PLA2G4E: variants seen among roughly 807,000 people sequenced by gnomAD.
PLA2G4E encodes the protein cytosolic phospholipase A2 epsilon.
A neutral mutation model predicts 109.1 loss-of-function variants in PLA2G4E; 84 were observed. That is an observed-to-expected ratio of 0.77 (90% CI 0.65 to 0.92). The LOEUF (loss-of-function observed/expected upper bound fraction) is 0.92. PLA2G4E is among the 40% of genes least tolerant of loss of function. The pLI is 0.00. For missense variants in PLA2G4E, 1,057 were observed against 1,076.6 expected (o/e 0.98, Z 0.25); for synonymous variants, 469 against 436.1 (o/e 1.08, Z -0.94).
Position 42,011,070 on chromosome 15 carries a change from C to T in PLA2G4E, c.256+2615G>A, listed in dbSNP as rs113466545. 2.2e-3 allele frequency among the ~76,000 whole-genome samples: 334 copies of T among 152,366 alleles called. 1 individual carries two copies. Among genetic ancestry groups the T allele is most frequent in the African/African-American group, 7.7e-3 (319 of 41,588 alleles). The stretch of plus-strand genomic sequence containing the variant: ...CCTGCAGCAACTGTGGAATCCAGAC[C>T]AGACATGACTGGGGTTGGCACCCCG... On this transcript the variant is annotated intron_variant, in intron 2 of 19. Coordinates refer to ENST00000399518, the Ensembl canonical transcript of PLA2G4E.
At chr15:42,024,296 C>T (rs191039961) in intron 1 of PLA2G4E, among the ~76,000 whole-genome samples, 241 of 152,282 alleles carry the variant, frequency 1.6e-3, no homozygotes, top group Non-Finnish European at 2.5e-3. Flanking sequence ...TGGTAGAGTT[C>T]CTTCTGTGTG....
chr15:42,000,436 G>A (rs1326889618), intron 7 of PLA2G4E, among the ~76,000 whole-genome samples, 154 bp from the exon 8 acceptor site: 2 of 152,200 alleles, frequency 1.3e-5, no homozygotes, highest in African/African-American at 4.8e-5. Flanking sequence ...AATCTATAGG[G>A]TAGGGCAGGG....
chr15:41,983,986 A>G lies in PLA2G4E; in HGVS notation c.2387-12T>C. On this transcript the variant is annotated splice_polypyrimidine_tract_variant and intron_variant, in intron 19 of 19. Transcript: ENST00000399518. ...GCTTCGCTCTACACCTGTGGGCAGC[A>G]GGATGACTTGTTATAGACTCTGTCA... The G allele has an allele frequency of 6.3e-7, 1 of 1,590,934 alleles. No individual in the cohort carries two copies. The highest frequency in any genetic ancestry group is 1.1e-5 in the South Asian group (1 of 87,808).
intron 6 of PLA2G4E, 70 bp from the exon 7 acceptor site, chr15:42,001,290 G>T: frequency 7.2e-7 from 1 of 1,386,916 alleles, no homozygotes; most frequent in Non-Finnish European, 1.0e-6. Flanking sequence ...CAGGCTGAAG[G>T]GAGATGAGGG....
chr15:42,044,638 A>G (rs56112205), intron 1 of PLA2G4E, among the ~76,000 whole-genome samples: 19,695 of 84,040 alleles, frequency 0.23, 1,678 homozygotes, highest in South Asian at 0.31. Context: ...CTGTTGTGGG[A>G]TGGGGGGAGG....
In PLA2G4E at chr15:42,002,264, CAAAAAAA is replaced by C. The variant is rs71108143; in HGVS notation, c.609+383_609+389del. On this transcript the variant is annotated intron_variant, in intron 6 of 19. Coordinates refer to ENST00000399518, the Ensembl canonical transcript of PLA2G4E. ...TGGGCGACAGAGTGAGACCTTGTCTCAAAAAAAAAAAAAAAAAAAAAAAGGTAAACTG... is the reference window on the plus strand; with the variant it reads ...TGGGCGACAGAGTGAGACCTTGTCTCAAAAAAAAAAAAAAAAGGTAAACTG... Among the ~76,000 whole-genome samples, 32 of 73,214 alleles carry C rather than the reference CAAAAAAA, an allele frequency of 4.4e-4. 1 individual carries two copies. The highest frequency in any genetic ancestry group is 1.9e-3 in the African/African-American group (30 of 16,178). 48.0% of individuals were successfully genotyped at this position (73,214 alleles called of 152,430 possible). A position where few individuals can be genotyped will look rare whatever the true frequency, so the allele number is the denominator to read the frequency against.
At chr15:41,983,962 C>T (rs2068099431) in exon 20 of PLA2G4E, 1 of 1,607,870 alleles carries the variant, frequency 6.2e-7, no homozygotes, top group Non-Finnish European at 8.5e-7. Flanking sequence ...CTCCTCAGGG[C>T]TTCGCTCTAC....
At chr15:41,983,110 A>C (rs2068084709) in exon 20 of PLA2G4E, 1 of 152,508 alleles carries the variant, frequency 6.6e-6, no homozygotes, top group Non-Finnish European at 1.5e-5. Context: ...TAAAAATACA[A>C]AAAATTAGCT....
At chr15:42,003,074 C>T (rs2068438169) in intron 5 of PLA2G4E, among the ~76,000 whole-genome samples, 4 of 152,204 alleles carry the variant, frequency 2.6e-5, no homozygotes, top group Admixed American at 2.6e-4. Context: ...TGAAAATGAT[C>T]CATTCTCCAT....
Position 42,013,684 on chromosome 15 carries a change from C to G in PLA2G4E, c.256+1G>C, listed in dbSNP as rs914572563. 1.3e-6 allele frequency: 2 copies of G among 1,549,632 alleles called. No individual in the cohort carries two copies. The highest frequency in any genetic ancestry group is 2.7e-5 in the African/African-American group (2 of 72,926). On this transcript the variant is annotated splice_donor_variant, in intron 2 of 19. Coordinates refer to ENST00000399518, the Ensembl canonical transcript of PLA2G4E. LOFTEE classifies it high-confidence loss of function. ...AGGAGAGAAGTGAGGTGGATACTCACGCATATCAGCCTGCCGGACATTTTT... is the reference window on the plus strand; with the variant it reads ...AGGAGAGAAGTGAGGTGGATACTCAGGCATATCAGCCTGCCGGACATTTTT...
intron 4 of PLA2G4E, among the ~76,000 whole-genome samples, chr15:42,005,594 T>G (rs898306903): frequency 3.3e-5 from 5 of 152,210 alleles, no homozygotes; most frequent in African/African-American, 4.8e-5. Flanking sequence ...TTCGCCCACC[T>G]TTACCCTCAT....
At chr15:42,023,659 C>T (rs567033998) in intron 1 of PLA2G4E, among the ~76,000 whole-genome samples, 31 of 152,196 alleles carry the variant, frequency 2.0e-4, no homozygotes, top group African/African-American at 7.5e-4. Flanking sequence ...ATCTGTCTCC[C>T]CATCCCTCCC....
At chr15:42,044,551 G>T (rs191720957) in intron 1 of PLA2G4E, among the ~76,000 whole-genome samples, 1 of 149,614 alleles carries the variant, frequency 6.7e-6, no homozygotes, top group East Asian at 2.0e-4. Context: ...ACCAAACACC[G>T]CATGTTCTCA....
chr15:42,013,727 C>G (rs1050571215), exon 2 of PLA2G4E: 31 of 1,550,690 alleles, frequency 2.0e-5, no homozygotes, highest in Non-Finnish European at 2.7e-5. Flanking sequence ...ATGACCCTCA[C>G]TGTCAACAGG....
chr15:42,002,598 G>A, intron 6 of PLA2G4E, 56 bp downstream of exon 6: 1 of 1,510,966 alleles, frequency 6.6e-7, no homozygotes, highest in South Asian at 1.2e-5. Flanking sequence ...CTGTTCCCCT[G>A]AGAGCAGCAG....
At chr15:42,002,526 A>G in intron 6 of PLA2G4E, 128 bp downstream of exon 6, 1 of 1,069,552 alleles carries the variant, frequency 9.3e-7, no homozygotes, top group Non-Finnish European at 1.4e-6. Flanking sequence ...GTTTAGTCTA[A>G]CTCCTGCAGA....
At chr15:41,983,448 G>A in exon 20 of PLA2G4E, 1 of 340,214 alleles carries the variant, frequency 2.9e-6, no homozygotes, top group Non-Finnish European at 5.3e-6. Context: ...TGGGGGCCCA[G>A]CCTCTTCCCC....
intron 12 of PLA2G4E, 89 bp from the exon 13 acceptor site, chr15:41,993,048 A>G (rs2068278599): frequency 8.2e-7 from 1 of 1,215,694 alleles, no homozygotes; most frequent in Non-Finnish European, 1.1e-6. Context: ...TGGGCAGGCC[A>G]TTGAGAACCC....
chr15:41,994,989 GGC>G (rs1032268309), intron 12 of PLA2G4E, among the ~76,000 whole-genome samples: 1 of 152,214 alleles, frequency 6.6e-6, no homozygotes, highest in African/African-American at 2.4e-5. Context: ...TCAGCTGCAG[GGC>G]CCTGCCCGTT....
Sources: gnomAD v4.1 joint callset for allele counts (sites outside exome capture counted in the v4.1 genomes callset) on GRCh38, gnomAD v4.1.1 for gene constraint, MANE v1.5 for transcripts, NCBI Gene and HGNC (gene_info 2026-07-23, HGNC 2026-07-21) for gene names.